MCM5: variants seen among roughly 807,000 people sequenced by gnomAD.
MCM5 encodes minichromosome maintenance complex component 5, also known as DNA replication licensing factor MCM5.
MCM5 carries 46 observed loss-of-function variants against 79.9 expected under a neutral mutation model. The ratio of observed to expected loss-of-function variants is 0.58; its 90% CI spans 0.45 to 0.74. MCM5 has a LOEUF of 0.74. Ranked by LOEUF, MCM5 falls within the 30% of genes least tolerant of loss-of-function variation. The pLI, the probability that MCM5 is intolerant of heterozygous loss-of-function variation, is 0.00. For synonymous variants in MCM5, 404 were observed against 390.5 expected (o/e 1.03, Z -0.41); for missense variants, 883 against 1,017.0 (o/e 0.87, Z 1.79).
chr22:35,434,332 C>A, the MCM5 span, among the ~76,000 whole-genome samples: 362 of 152,016 alleles, frequency 2.4e-3, no homozygotes, highest in Middle Eastern at 6.8e-3. Flanking sequence ...CCTGATGATA[C>A]ATCTTCTACA....
chr22:35,439,519 C>T, the MCM5 span, among the ~76,000 whole-genome samples: 1 of 151,428 alleles, frequency 6.6e-6, no homozygotes, highest in Admixed American at 6.6e-5. Flanking sequence ...ATCCATTCAT[C>T]CACCCACATG....
chr22:35,431,033 C>T, the MCM5 span, among the ~76,000 whole-genome samples: 1 of 152,168 alleles, frequency 6.6e-6, no homozygotes, highest in African/African-American at 2.4e-5. Context: ...CAGCCTCCCG[C>T]ACCCACCCGG....
intron 13 of MCM5, among the ~76,000 whole-genome samples, chr22:35,418,669 A>ATG (rs1413179188): frequency 5.7e-5 from 6 of 105,740 alleles, no homozygotes; most frequent in African/African-American, 2.8e-4. Context: ...CAAAAAAAAA[A>ATG]AATATATATA....
rs1303279804 is a variant in MCM5, at chr22:35,424,241, T to TACCGCCTCAAGTGAGTCGC, written c.2192_*5dup. ...GCATCGCATGCAGCGCAAGGTTCTC[T>TACCGCCTCAAGTGAGTCGC]ACCGCCTCAAGTGAGTCGCGCCGCC... On this transcript the variant is annotated stop_gained and frameshift_variant, in exon 17 of 17. Coordinates refer to ENST00000216122, the MANE Select transcript of MCM5 (RefSeq NM_006739.4). LOFTEE classifies it high-confidence loss of function. 1.2e-5 allele frequency: 19 copies of TACCGCCTCAAGTGAGTCGC among 1,547,964 alleles called. No homozygotes were observed. Among genetic ancestry groups the TACCGCCTCAAGTGAGTCGC allele is most frequent in the South Asian group, 4.8e-5 (4 of 83,512 alleles).
the MCM5 span, among the ~76,000 whole-genome samples, chr22:35,432,776 C>T: frequency 1.3e-5 from 2 of 151,638 alleles, no homozygotes; most frequent in Admixed American, 6.6e-5. Flanking sequence ...TGGGGCCAGG[C>T]AGCGCTGTGT....
At position 35,416,413 on chromosome 22, in the gene MCM5, C is replaced by T. The variant is rs2145796068; in HGVS notation, c.1413+9C>T. 1 of 1,613,034 alleles carries T rather than the reference C, an allele frequency of 6.2e-7. No homozygotes were observed. Among genetic ancestry groups the T allele is most frequent in the Non-Finnish European group, 8.5e-7 (1 of 1,179,844 alleles). On this transcript the variant is annotated intron_variant, in intron 11 of 16. Transcript: ENST00000216122. ...CCATCTCTATCGCCAAGGTGAGTGG[C>T]CCTCCATGGAGAGCCCAGCCTGCAG...
At chr22:35,441,055 CAAAAA>C in the MCM5 span, among the ~76,000 whole-genome samples, 1 of 96,150 alleles carries the variant, frequency 1.0e-5, no homozygotes, top group African/African-American at 4.0e-5. Flanking sequence ...GAAACTCTGT[CAAAAA>C]AAAAAAAAAA....
intron 9 of MCM5, among the ~76,000 whole-genome samples, chr22:35,414,319 T>G (rs1932475881): frequency 6.6e-6 from 1 of 152,180 alleles, no homozygotes; most frequent in Non-Finnish European, 1.5e-5. Context: ...GATATTGTTA[T>G]CATTAATAGC....
intron 6 of MCM5, among the ~76,000 whole-genome samples, chr22:35,408,986 G>A (rs182719081): frequency 6.5e-4 from 98 of 150,806 alleles, no homozygotes; most frequent in African/African-American, 2.3e-3. Context: ...TTTTTGAGAC[G>A]GAGTCTGGCT....
chr22:35,453,815 TATATAG>T, the MCM5 span, among the ~76,000 whole-genome samples: 4 of 89,224 alleles, frequency 4.5e-5, no homozygotes, highest in East Asian at 3.0e-4. Context: ...TATATATATA[TATATAG>T]AGAGAGAGAG....
chr22:35,446,732 C>A, the MCM5 span, among the ~76,000 whole-genome samples: 8 of 152,292 alleles, frequency 5.3e-5, no homozygotes, highest in African/African-American at 1.4e-4. Flanking sequence ...ATTGGCTTCT[C>A]CTCTAGTCCT....
At chr22:35,428,920 G>A (rs1932794286), downstream of MCM5, among the ~76,000 whole-genome samples, 1 of 141,738 alleles carries the variant, frequency 7.1e-6, no homozygotes, top group South Asian at 2.4e-4. Flanking sequence ...GACCTCCCAA[G>A]TAGCTGGGAC....
chr22:35,418,552 C>T (rs935662280), intron 13 of MCM5, among the ~76,000 whole-genome samples: 2 of 151,876 alleles, frequency 1.3e-5, no homozygotes, highest in Non-Finnish European at 2.9e-5. Context: ...CCCAGCTACT[C>T]AGGAGGCTGA....
chr22:35,419,431 C>T (rs925437778), intron 13 of MCM5, among the ~76,000 whole-genome samples: 1 of 152,186 alleles, frequency 6.6e-6, no homozygotes, highest in Admixed American at 6.5e-5. Context: ...CACCGCCAAG[C>T]CTCCTGTGGG....
rs1288944425 is a variant in MCM5 at position 35,424,877 on chromosome 22, G to A, written c.*622G>A. ...GCCTTAGTTTCCTTATCTGTAAGCA[G>A]GCTGATACTAGAACCTGCTTCACAG... On this transcript the variant is annotated 3_prime_UTR_variant, in exon 17 of 17. Transcript: ENST00000216122. The A allele has an allele frequency of 6.6e-6, 1 of 152,254 alleles. No homozygotes were observed. Among genetic ancestry groups the A allele is most frequent in the Non-Finnish European group, 1.5e-5 (1 of 68,062 alleles). 9.4% of individuals were successfully genotyped at this position (152,254 alleles called of 1,614,324 possible). A position where few individuals can be genotyped will look rare whatever the true frequency, so the allele number is the denominator to read the frequency against.
rs1183355264 is a variant in MCM5, at chr22:35,416,342, C to T, written c.1351C>T (p.Arg451Ter). ...VVCIDEFDKM[R>*]EDDRVAIHEA... ...TATTTCTCTCTTCCCCACTTAGATG[C>T]GAGAAGATGACCGTGTGGCAATCCA... The change falls in exon 11 of 17, where the codon CGA (arginine) becomes TGA (stop). Residue 451 changes from arginine to a stop codon, truncating the protein, a stop_gained. Transcript: ENST00000216122. LOFTEE classifies it high-confidence loss of function. 3 of 1,613,682 alleles carry T rather than the reference C, an allele frequency of 1.9e-6. No homozygotes were observed. Among genetic ancestry groups the T allele is most frequent in the South Asian group, 1.1e-5 (1 of 91,074 alleles).
At chr22:35,432,107 G>A in the MCM5 span, among the ~76,000 whole-genome samples, 1 of 152,188 alleles carries the variant, frequency 6.6e-6, no homozygotes, top group Non-Finnish European at 1.5e-5. Flanking sequence ...ATTCTCTATG[G>A]GTTTCTATTA....
rs111322251 is a variant in MCM5, at chr22:35,403,464, T to C, written c.345T>C (p.Pro115=). ...CTGATGAGGTGACCCGGCCCCGGCC[T>C]TCTGGGGAGGAGGTGCTCCAGGACA... ...EVADEVTRPR[P]SGEEVLQDIQ... The change falls in exon 4 of 17, where the codon CCT becomes CCC. Residue 115 remains proline, a synonymous_variant. Coordinates refer to ENST00000216122, the MANE Select transcript of MCM5 (RefSeq NM_006739.4). 2 of 1,614,210 alleles carry C rather than the reference T, an allele frequency of 1.2e-6. No homozygotes were observed. The highest frequency in any genetic ancestry group is 2.2e-5 in the East Asian group (1 of 44,882).
chr22:35,415,953 G>C lies in MCM5; in HGVS notation c.1328G>C (p.Cys443Ser). Reference protein sequence around the residue: ...AMVLADGGVVCIDEFDKMRED... With the variant: ...AMVLADGGVVSIDEFDKMRED... ...GTCCTGGCCGATGGTGGGGTCGTCT[G>C]TATTGACGAGTTTGACAAGGTGAGT... Residue 443 changes from cysteine (C) to serine (S), a missense_variant, in exon 10 of 17, where the codon TGT (cysteine) becomes TCT (serine). Coordinates refer to ENST00000216122, the MANE Select transcript of MCM5 (RefSeq NM_006739.4). 6.2e-7 allele frequency: 1 copy of C among 1,613,746 alleles called. No individual in the cohort carries two copies. The highest frequency in any genetic ancestry group is 8.5e-7 in the Non-Finnish European group (1 of 1,179,642).
Sources: allele counts gnomAD v4.1 joint callset (sites outside exome capture counted in the v4.1 genomes callset), GRCh38; gene constraint gnomAD v4.1.1; transcripts MANE v1.5; gene names NCBI Gene and HGNC (gene_info 2026-07-23, HGNC 2026-07-21).